Variants in DAP observed in about 807,000 individuals in gnomAD.
DAP encodes death associated protein.
A neutral mutation model predicts 13.8 loss-of-function variants in DAP; 8 were observed. The ratio of observed to expected loss-of-function variants is 0.58; its 90% CI spans 0.34 to 1.05. The LOEUF (loss-of-function observed/expected upper bound fraction) is 1.05, where lower values mean the gene tolerates loss of function less well. DAP is among the 50% of genes least tolerant of loss of function. The pLI is 0.03. For missense variants in DAP, 106 were observed against 133.2 expected (o/e 0.80, Z 1.01); for synonymous variants, 47 against 47.5 (o/e 0.99, Z 0.04).
intron 2 of DAP, among the ~76,000 whole-genome samples, chr5:10,740,768 T>C (rs567650676): frequency 1.7e-4 from 26 of 152,258 alleles, no homozygotes; most frequent in Non-Finnish European, 2.5e-4. Flanking sequence ...CCAGCAGACA[T>C]TTACTATCAC....
At chr5:10,686,602 T>A (rs182971494) in intron 2 of DAP, among the ~76,000 whole-genome samples, 274 of 152,274 alleles carry the variant, frequency 1.8e-3, no homozygotes, top group African/African-American at 5.7e-3. Flanking sequence ...CAAAGTCTAA[T>A]CTAGAGAAAG....
At chr5:10,758,501 G>T (rs1448407812) in intron 1 of DAP, among the ~76,000 whole-genome samples, 1 of 152,182 alleles carries the variant, frequency 6.6e-6, no homozygotes, top group South Asian at 2.1e-4. Flanking sequence ...ACAGATGACA[G>T]ATGGTGACAG....
intron 1 of DAP, among the ~76,000 whole-genome samples, chr5:10,760,406 G>A (rs1740311853): frequency 6.6e-6 from 1 of 152,102 alleles, no homozygotes; most frequent in Non-Finnish European, 1.5e-5. Context: ...AAGAAAGACC[G>A]CTCTTTCCTG....
intron 2 of DAP, among the ~76,000 whole-genome samples, chr5:10,719,812 A>G (rs558648791): frequency 1.3e-5 from 2 of 152,260 alleles, no homozygotes; most frequent in South Asian, 4.1e-4. Flanking sequence ...TGGCCTCATG[A>G]GGAGTTCCCT....
At chr5:10,748,933 A>G (rs1427397057) in intron 1 of DAP, among the ~76,000 whole-genome samples, 2 of 152,250 alleles carry the variant, frequency 1.3e-5, no homozygotes, top group Admixed American at 6.5e-5. Flanking sequence ...AATCAATTTT[A>G]GGAGATTTTC....
intron 1 of DAP, among the ~76,000 whole-genome samples, chr5:10,754,482 C>T (rs568851657): frequency 1.3e-5 from 2 of 152,270 alleles, no homozygotes; most frequent in East Asian, 3.9e-4. Context: ...CGGAGCAACC[C>T]TGTTAAAGAA....
chr5:10,691,434 T>G (rs564646926), intron 2 of DAP, among the ~76,000 whole-genome samples: 2 of 152,332 alleles, frequency 1.3e-5, no homozygotes, highest in African/African-American at 4.8e-5. Context: ...ATGTGGTAGC[T>G]TGAACAAAAT....
chr5:10,746,171 T>A (rs1482980905), intron 2 of DAP, among the ~76,000 whole-genome samples: 2 of 152,176 alleles, frequency 1.3e-5, no homozygotes, highest in African/African-American at 4.8e-5. Context: ...AGCAGTAATA[T>A]CCTCCTAGAC....
intron 2 of DAP, chr5:10,733,882 T>A (rs1490305760): frequency 6.6e-6 from 1 of 152,346 alleles, no homozygotes; most frequent in African/African-American, 2.4e-5. Context: ...ACAATTGAAG[T>A]CAACAGGGCT....
chr5:10,724,493 T>A (rs956478780), intron 2 of DAP, among the ~76,000 whole-genome samples: 3 of 152,202 alleles, frequency 2.0e-5, no homozygotes, highest in Admixed American at 2.0e-4. Flanking sequence ...CAAAGGTTCA[T>A]GATTTACCAG....
intron 2 of DAP, among the ~76,000 whole-genome samples, chr5:10,722,342 T>C (rs182154309): frequency 4.6e-5 from 7 of 152,216 alleles, no homozygotes; most frequent in African/African-American, 7.2e-5. Flanking sequence ...CTTTCTCCCA[T>C]GCTGGACGCT....
In DAP at chr5:10,680,703, CT is replaced by C. The variant is rs1465011119; in HGVS notation, c.*352del. 3.0e-5 allele frequency: 46 copies of C among 1,528,518 alleles called. No individual in the cohort carries two copies. The highest frequency in any genetic ancestry group is 3.8e-5 in the Non-Finnish European group (43 of 1,141,450). The allele number at this position is 1,528,518 out of a possible 1,614,324, so 94.7% of individuals were successfully genotyped here. On this transcript the variant is annotated 3_prime_UTR_variant, in exon 4 of 4. Transcript: ENST00000230895. ...GGTTTTCTCCTAACCTTAATCTCAT[CT>C]TCTCAAATGTGTGCCTTCTTGTTTT...
At chr5:10,742,419 C>T (rs542059049) in intron 2 of DAP, among the ~76,000 whole-genome samples, 7 of 152,144 alleles carry the variant, frequency 4.6e-5, no homozygotes, top group East Asian at 3.9e-4. Context: ...CCCAGCTACT[C>T]GGGAGGCTGA....
At position 10,680,397 on chromosome 5, in the gene DAP, G is replaced by C. The variant is rs1481346221; in HGVS notation, c.*659C>G. The C allele has an allele frequency of 2.1e-5, 7 of 328,704 alleles. No homozygotes were observed. The highest frequency in any genetic ancestry group is 3.9e-5 in the Non-Finnish European group (7 of 178,046). 20.4% of individuals were successfully genotyped at this position (328,704 alleles called of 1,614,324 possible). On this transcript the variant is annotated 3_prime_UTR_variant, in exon 4 of 4. Coordinates refer to ENST00000230895, the MANE Select transcript of DAP (RefSeq NM_004394.3). ...GCCGTGCCGAGATCTCATGCCAGAA[G>C]TCCTCCCTCGGAGCTACCTGTCTCC...
chr5:10,694,387 TACACACACACAC>T (rs3836779), intron 2 of DAP, among the ~76,000 whole-genome samples: 1 of 149,166 alleles, frequency 6.7e-6, no homozygotes, highest in African/African-American at 2.5e-5. Context: ...TATATGTGCA[TACACACACACAC>T]ACACACACAC....
chr5:10,690,064 C>T (rs1372928139), intron 2 of DAP, among the ~76,000 whole-genome samples: 1 of 152,110 alleles, frequency 6.6e-6, no homozygotes, highest in Admixed American at 6.5e-5. Context: ...AGAAAAGAAC[C>T]CCATGTGTCC....
At chr5:10,732,746 C>G (rs1364284600) in intron 2 of DAP, among the ~76,000 whole-genome samples, 2 of 152,176 alleles carry the variant, frequency 1.3e-5, no homozygotes, top group African/African-American at 4.8e-5. Context: ...GTCCATCAAA[C>G]TGCTTACCAC....
At chr5:10,746,821 A>C (rs1242253121) in intron 2 of DAP, among the ~76,000 whole-genome samples, 3 of 152,184 alleles carry the variant, frequency 2.0e-5, no homozygotes, top group African/African-American at 4.8e-5. Context: ...GACAATACTC[A>C]ATGGGGAAGG....
chr5:10,754,937 T>C (rs1006119877), intron 1 of DAP, among the ~76,000 whole-genome samples: 1 of 152,090 alleles, frequency 6.6e-6, no homozygotes, highest in Non-Finnish European at 1.5e-5. Flanking sequence ...AACCTGTGAG[T>C]GTGCTGGGCT....
Sources: allele counts gnomAD v4.1 joint callset (sites outside exome capture counted in the v4.1 genomes callset), GRCh38; gene constraint gnomAD v4.1.1; transcripts MANE v1.5; gene names NCBI Gene and HGNC (gene_info 2026-07-23, HGNC 2026-07-21).